Variants in NALCN observed in about 807,000 individuals in gnomAD.
NALCN encodes the protein sodium leak channel, non-selective.
NALCN carries 111 observed loss-of-function variants against 225.3 expected under a neutral mutation model. The ratio of observed to expected loss-of-function variants is 0.49; its 90% CI spans 0.42 to 0.58. The LOEUF is 0.58. NALCN is among the 20% of genes least tolerant of loss of function. NALCN has a pLI of 0.00. For synonymous variants in NALCN, 764 were observed against 769.0 expected (o/e 0.99, Z 0.11); for missense variants, 1,378 against 2,202.4 (o/e 0.63, Z 7.49).
chr13:101,162,833 G>A (rs552470253), intron 15 of NALCN, among the ~76,000 whole-genome samples: 7 of 152,350 alleles, frequency 4.6e-5, no homozygotes, highest in Non-Finnish European at 8.8e-5. Context: ...AGTGGGTGGT[G>A]TTCAGTTGGA....
rs375628370 is a variant in NALCN at position 101,377,139 on chromosome 13, A to G, written c.376-83T>C. ...CATGGAACATACAGATGTTAGCAGC[A>G]TAAGTAGGTGCACCTCTACTCTGAA... On this transcript the variant is annotated intron_variant, in intron 4 of 43. Coordinates refer to ENST00000251127, the MANE Select transcript of NALCN (RefSeq NM_052867.4). 35 of 1,539,862 alleles carry G rather than the reference A, an allele frequency of 2.3e-5. No individual in the cohort carries two copies. The African/African-American group carries it at 3.7e-4, about 16-fold the overall frequency.
At chr13:101,116,955 G>C in intron 18 of NALCN, 1 of 516,708 alleles carries the variant, frequency 1.9e-6, no homozygotes, top group Non-Finnish European at 3.9e-6. Context: ...ATCTTCCCAA[G>C]TAGAGACAAC....
chr13:101,347,398 T>C (rs78185802), intron 6 of NALCN, among the ~76,000 whole-genome samples: 4,973 of 152,248 alleles, frequency 0.033, 106 homozygotes, highest in South Asian at 0.054. Context: ...GGAAAGGCTC[T>C]AATTGTGGAA....
chr13:101,375,184 G>T (rs17584007), intron 6 of NALCN, among the ~76,000 whole-genome samples: 1 of 151,792 alleles, frequency 6.6e-6, no homozygotes, highest in Non-Finnish European at 1.5e-5. Context: ...GCGTGTTTAC[G>T]TATCTCTTTA....
At chr13:101,236,940 A>C (rs9557600) in intron 12 of NALCN, among the ~76,000 whole-genome samples, 57,026 of 143,316 alleles carry the variant, frequency 0.4, 11,953 homozygotes, top group East Asian at 0.64. Flanking sequence ...TAAAATAAAA[A>C]ATAAAATAAT....
chr13:101,188,881 T>C (rs2039564900), intron 14 of NALCN, among the ~76,000 whole-genome samples: 1 of 151,990 alleles, frequency 6.6e-6, no homozygotes, highest in Admixed American at 6.6e-5. Flanking sequence ...AGAGATAGGG[T>C]TTCACCATGT....
intron 15 of NALCN, among the ~76,000 whole-genome samples, chr13:101,148,323 G>A (rs1353145622): frequency 3.3e-5 from 5 of 152,174 alleles, no homozygotes; most frequent in Non-Finnish European, 7.3e-5. Flanking sequence ...TCCCTGGCTT[G>A]TAGCTGTAAC....
intron 1 of NALCN, among the ~76,000 whole-genome samples, chr13:101,406,938 A>G (rs1010181930): frequency 1.3e-5 from 2 of 152,194 alleles, no homozygotes; most frequent in African/African-American, 4.8e-5. Flanking sequence ...AGTTAGTTTT[A>G]GTCTCGTAAT....
chr13:101,219,527 G>C (rs1307115742), intron 13 of NALCN, among the ~76,000 whole-genome samples: 1 of 152,096 alleles, frequency 6.6e-6, no homozygotes, highest in African/African-American at 2.4e-5. Flanking sequence ...TTAGACAAAT[G>C]CTGTTTCTGC....
intron 7 of NALCN, among the ~76,000 whole-genome samples, chr13:101,330,538 C>A (rs540942391): frequency 2.0e-5 from 3 of 152,184 alleles, no homozygotes; most frequent in South Asian, 2.1e-4. Flanking sequence ...CAGATCCATG[C>A]GGGGCAAAAG....
chr13:101,199,810 T>C (rs965033589), intron 13 of NALCN, among the ~76,000 whole-genome samples: 1 of 151,790 alleles, frequency 6.6e-6, no homozygotes, highest in Non-Finnish European at 1.5e-5. Flanking sequence ...AATATATATA[T>C]ATAGAAATGT....
rs184996463 is a variant in NALCN, at chr13:101,250,664, A to G, written c.1266+7779T>C. Among the ~76,000 whole-genome samples the G allele has an allele frequency of 1.1e-3, 165 of 152,170 alleles. 2 individuals are homozygous for G. The highest frequency in any genetic ancestry group is 3.7e-3 in the African/African-American group (155 of 41,574). ...GCCTTTACTATAAGAGAATGTCTTT[A>G]ATGACTCTGGTATAGATAAGACACA... On this transcript the variant is annotated intron_variant, in intron 11 of 43. Coordinates refer to ENST00000251127, the MANE Select transcript of NALCN (RefSeq NM_052867.4).
At chr13:101,224,631 G>C (rs142796523) in intron 13 of NALCN, among the ~76,000 whole-genome samples, 6 of 152,164 alleles carry the variant, frequency 3.9e-5, no homozygotes, top group African/African-American at 1.4e-4. Context: ...CCTTTGAACA[G>C]GAAATATAAC....
At chr13:101,243,017 C>T (rs1461026656) in intron 11 of NALCN, among the ~76,000 whole-genome samples, 1 of 104,078 alleles carries the variant, frequency 9.6e-6, no homozygotes, top group Non-Finnish European at 2.1e-5. Context: ...AGGAAGGTCA[C>T]CAGGACATGA....
chr13:101,156,630 G>C (rs1162047276), intron 15 of NALCN, among the ~76,000 whole-genome samples: 1 of 152,116 alleles, frequency 6.6e-6, no homozygotes, highest in Non-Finnish European at 1.5e-5. Context: ...AGGTTCTCCT[G>C]TGGCATCTCC....
chr13:101,123,097 T>C (rs1439368819), intron 18 of NALCN, among the ~76,000 whole-genome samples: 1 of 152,198 alleles, frequency 6.6e-6, no homozygotes, highest in East Asian at 1.9e-4. Flanking sequence ...AGATCAGTTT[T>C]AAGGAAGAGT....
chr13:101,352,377 A>G (rs2045931304), intron 6 of NALCN, among the ~76,000 whole-genome samples: 1 of 152,160 alleles, frequency 6.6e-6, no homozygotes, highest in Non-Finnish European at 1.5e-5. Context: ...CACACGTACT[A>G]GTTCTAGGGA....
At chr13:101,234,835 A>ACTATCTATCTATCTATCTATCATCTAC (rs56229940) in intron 12 of NALCN, among the ~76,000 whole-genome samples, 1 of 144,834 alleles carries the variant, frequency 6.9e-6, no homozygotes, top group Non-Finnish European at 1.5e-5. Context: ...CTATCTATCT[A>ACTATCTATCTATCTATCTATCATCTAC]CTATCTATCT....
intron 7 of NALCN, among the ~76,000 whole-genome samples, chr13:101,331,049 C>T (rs2045151104): frequency 6.6e-6 from 1 of 152,118 alleles, no homozygotes; most frequent in Non-Finnish European, 1.5e-5. Context: ...CTTTAAGCCA[C>T]AAAAGTAACA....
Sources: allele counts gnomAD v4.1 joint callset (sites outside exome capture counted in the v4.1 genomes callset), GRCh38; gene constraint gnomAD v4.1.1; transcripts MANE v1.5; gene names NCBI Gene and HGNC (gene_info 2026-07-23, HGNC 2026-07-21).